The following LOC128125817 variants were observed in gnomAD, a reference collection of about 807,000 sequenced individuals.
At chr1:41,625,162 CAAAAAAAAAAAAAA>C in the LOC128125817 span, among the ~76,000 whole-genome samples, 8 of 71,274 alleles carry the variant, frequency 1.1e-4, no homozygotes, top group Admixed American at 1.2e-3. Flanking sequence ...GATTCCAACT[CAAAAAAAAAAAAAA>C]AAAAAAAAAA....
chr1:41,607,066 CT>C, the LOC128125817 span, among the ~76,000 whole-genome samples: 1 of 152,096 alleles, frequency 6.6e-6, no homozygotes, highest in Non-Finnish European at 1.5e-5. Flanking sequence ...TTAGGCAATC[CT>C]CCCACCTCAG....
chr1:41,595,924 G>C, the LOC128125817 span, among the ~76,000 whole-genome samples: 1 of 152,146 alleles, frequency 6.6e-6, no homozygotes, highest in African/African-American at 2.4e-5. Context: ...GTGATTGTGT[G>C]AGTCAATACT....
the LOC128125817 span, among the ~76,000 whole-genome samples, chr1:41,589,099 T>A: frequency 0.023 from 3,562 of 152,314 alleles, 139 homozygotes; most frequent in African/African-American, 0.082. Flanking sequence ...ATGTGTGAAA[T>A]TTTAACACAA....
chr1:41,597,894 A>C, the LOC128125817 span, among the ~76,000 whole-genome samples: 184 of 152,334 alleles, frequency 1.2e-3, 1 homozygote, highest in African/African-American at 3.9e-3. Flanking sequence ...ATCTACAAAC[A>C]AGGCCCAGAT....
At chr1:41,622,567 G>A in the LOC128125817 span, among the ~76,000 whole-genome samples, 1 of 152,198 alleles carries the variant, frequency 6.6e-6, no homozygotes, top group Non-Finnish European at 1.5e-5. Context: ...ATCTGTGGTT[G>A]CTTCCAGGCT....
the LOC128125817 span, among the ~76,000 whole-genome samples, chr1:41,605,183 G>GAGGGGAGGGAAGGGA: frequency 1.7e-5 from 2 of 115,644 alleles, no homozygotes; most frequent in African/African-American, 6.4e-5. Flanking sequence ...GAGGGGAGGG[G>GAGGGGAGGGAAGGGA]AGGGAAGGGA....
At chr1:41,587,346 AAAGCAGGCTGAGTGTGGGG>A in the LOC128125817 span, among the ~76,000 whole-genome samples, 10 of 152,224 alleles carry the variant, frequency 6.6e-5, no homozygotes, top group South Asian at 2.1e-4. Context: ...GACTTGTACC[AAAGCAGGCTGAGTGTGGGG>A]AAGACAGACA....
At chr1:41,621,226 C>T in the LOC128125817 span, among the ~76,000 whole-genome samples, 1 of 152,244 alleles carries the variant, frequency 6.6e-6, no homozygotes, top group Non-Finnish European at 1.5e-5. Context: ...GGCCTTGACC[C>T]CCTTCAGCCT....
the LOC128125817 span, among the ~76,000 whole-genome samples, chr1:41,598,806 GTTATTTAT>G: frequency 3.4e-5 from 5 of 147,124 alleles, no homozygotes; most frequent in East Asian, 6.0e-4. Flanking sequence ...GTCACATGAT[GTTATTTAT>G]TTATTTATTT....
chr1:41,606,683 T>C, the LOC128125817 span, among the ~76,000 whole-genome samples: 1 of 151,912 alleles, frequency 6.6e-6, no homozygotes, highest in African/African-American at 2.4e-5. Flanking sequence ...TTCCAGAAAA[T>C]ATAGGTGACT....
the LOC128125817 span, among the ~76,000 whole-genome samples, chr1:41,597,495 C>T: frequency 1.3e-5 from 2 of 152,216 alleles, no homozygotes; most frequent in East Asian, 1.9e-4. Flanking sequence ...CGCAAATTCA[C>T]TCATTTATTC....
chr1:41,585,639 A>C, the LOC128125817 span, among the ~76,000 whole-genome samples: 1 of 152,186 alleles, frequency 6.6e-6, no homozygotes, highest in South Asian at 2.1e-4. Context: ...TTAGGGACAG[A>C]GGCCTGGGCT....
At chr1:41,599,600 C>A in the LOC128125817 span, among the ~76,000 whole-genome samples, 1 of 152,148 alleles carries the variant, frequency 6.6e-6, no homozygotes, top group South Asian at 2.1e-4. Context: ...GAATCAAAGA[C>A]CTAAACTCAG....
chr1:41,601,214 G>A, the LOC128125817 span, among the ~76,000 whole-genome samples: 1 of 152,114 alleles, frequency 6.6e-6, no homozygotes, highest in Non-Finnish European at 1.5e-5. Context: ...TTGTGTCAGA[G>A]GATTGATTTG....
At chr1:41,606,486 A>T in the LOC128125817 span, among the ~76,000 whole-genome samples, 1 of 152,094 alleles carries the variant, frequency 6.6e-6, no homozygotes, top group Non-Finnish European at 1.5e-5. Flanking sequence ...CATTATGAAG[A>T]TATCATTGCC....
chr1:41,596,843 TG>T, the LOC128125817 span, among the ~76,000 whole-genome samples: 2 of 152,138 alleles, frequency 1.3e-5, no homozygotes, highest in Non-Finnish European at 2.9e-5. Flanking sequence ...CTTCCTTCCC[TG>T]TATCTGAGAT....
chr1:41,613,857 T>C, the LOC128125817 span, among the ~76,000 whole-genome samples: 3 of 152,352 alleles, frequency 2.0e-5, no homozygotes, highest in African/African-American at 7.2e-5. Flanking sequence ...TCATCTAGTT[T>C]CCATCTCTAT....
At chr1:41,618,329 C>G in the LOC128125817 span, among the ~76,000 whole-genome samples, 2 of 152,234 alleles carry the variant, frequency 1.3e-5, no homozygotes, top group African/African-American at 2.4e-5. Flanking sequence ...AGGAGCCAAG[C>G]CTTGTTCCTT....
the LOC128125817 span, among the ~76,000 whole-genome samples, chr1:41,609,933 CTCTGAGTAAAGCAGACCGCTTTCCACA>C: frequency 5.3e-5 from 8 of 152,240 alleles, no homozygotes; most frequent in African/African-American, 1.7e-4. Flanking sequence ...AATTGGTAAA[CTCTGAGTAAAGCAGACCGCTTTCCACA>C]ATATGAGTGA....
Sources: gnomAD v4.1 joint callset for allele counts (sites outside exome capture counted in the v4.1 genomes callset) on GRCh38, gnomAD v4.1.1 for gene constraint, MANE v1.5 for transcripts.